Variants in ERBB4 observed in about 807,000 individuals in gnomAD.
ERBB4 encodes the protein receptor tyrosine-protein kinase erbB-4.
ERBB4 carries 42 observed loss-of-function variants against 158.0 expected under a neutral mutation model. The observed-to-expected ratio is 0.27, with a 90% CI of 0.21 to 0.34. The LOEUF (loss-of-function observed/expected upper bound fraction) is 0.34. Among genes scored for constraint, ERBB4 ranks in the 10% least tolerant of loss-of-function variants. ERBB4 has a pLI of 1.00. For synonymous variants in ERBB4, 583 were observed against 558.7 expected, an observed-to-expected ratio of 1.04 and a Z score of -0.61; for missense variants, 1,333 against 1,624.1, an observed-to-expected ratio of 0.82 and a Z score of 3.08.
intron 2 of ERBB4, among the ~76,000 whole-genome samples, chr2:212,105,963 T>C (rs1329992999): frequency 1.3e-5 from 2 of 152,224 alleles, no homozygotes; most frequent in Non-Finnish European, 2.9e-5. Flanking sequence ...TCCAACATGA[T>C]TGTAAAGCCT....
rs1049835711 is a variant in ERBB4 at position 211,750,720 on chromosome 2, A to C, written c.557-16T>G. The C allele has an allele frequency of 6.2e-7, 1 of 1,610,484 alleles. No individual in the cohort carries two copies. Among genetic ancestry groups the C allele is most frequent in the Non-Finnish European group, 8.5e-7 (1 of 1,176,910 alleles). ...CAACGTCCACCTGCAGAACACGAAA[A>C]GGGAAAAAGGACATGCACGTTATAA... On this transcript the variant is annotated splice_polypyrimidine_tract_variant and intron_variant, in intron 4 of 27. Coordinates refer to ENST00000342788, the MANE Select transcript of ERBB4 (RefSeq NM_005235.3).
At chr2:212,320,227 C>A (rs1007608544) in intron 1 of ERBB4, among the ~76,000 whole-genome samples, 2 of 124,002 alleles carry the variant, frequency 1.6e-5, no homozygotes, top group East Asian at 4.1e-4. Context: ...CGCAGTCATA[C>A]TTTTATTTTT....
At chr2:211,493,159 C>T (rs62178802) in intron 20 of ERBB4, among the ~76,000 whole-genome samples, 12,229 of 152,060 alleles carry the variant, frequency 0.08, 507 homozygotes, top group Middle Eastern at 0.15. Context: ...TTGCTTCGAA[C>T]CATTTTTTTC....
chr2:211,417,663 G>GA (rs2063424144), intron 25 of ERBB4, among the ~76,000 whole-genome samples: 1 of 152,012 alleles, frequency 6.6e-6, no homozygotes, highest in South Asian at 2.1e-4. Flanking sequence ...TTGTGGAATT[G>GA]AAAAAATCAA....
At chr2:212,396,379 T>C (rs1251152963) in intron 1 of ERBB4, among the ~76,000 whole-genome samples, 2 of 152,144 alleles carry the variant, frequency 1.3e-5, no homozygotes, top group East Asian at 1.9e-4. Context: ...TAATGCTAGA[T>C]TGTCTGAATT....
chr2:211,875,983 C>T (rs79153236), intron 3 of ERBB4, among the ~76,000 whole-genome samples: 3,933 of 152,148 alleles, frequency 0.026, 166 homozygotes, highest in African/African-American at 0.088. Context: ...ATGATGTTCA[C>T]AGGATAATGA....
At chr2:211,647,864 A>T (rs1486256202) in intron 16 of ERBB4, among the ~76,000 whole-genome samples, 2 of 151,708 alleles carry the variant, frequency 1.3e-5, no homozygotes, top group African/African-American at 4.8e-5. Flanking sequence ...CATTTTCTTT[A>T]CTTGGCGTCC....
rs564728842 is a variant in ERBB4 at position 211,992,968 on chromosome 2, C to A, written c.235-45352G>T. Among the ~76,000 whole-genome samples, 8 of 152,244 alleles carry A rather than the reference C, an allele frequency of 5.3e-5. No homozygotes were observed. The East Asian group carries it at 1.4e-3, about 26-fold the overall frequency. ...TTAAAAGGAAAAGAACAGTAATAAC[C>A]CAATCAACTACCTGTCCTCTGCTCA... On this transcript the variant is annotated intron_variant, in intron 2 of 27. Coordinates refer to ENST00000342788, the MANE Select transcript of ERBB4 (RefSeq NM_005235.3).
chr2:211,947,638 C>T (rs766440236), intron 2 of ERBB4, 22 bp from the exon 3 acceptor site: 10 of 1,607,694 alleles, frequency 6.2e-6, no homozygotes, highest in Non-Finnish European at 8.5e-6. Flanking sequence ...CAAACAGTTG[C>T]CTGTGTTATA....
intron 2 of ERBB4, among the ~76,000 whole-genome samples, chr2:212,031,066 T>C (rs1180657206): frequency 6.6e-6 from 1 of 152,146 alleles, no homozygotes; most frequent in Non-Finnish European, 1.5e-5. Context: ...AGATATTTTA[T>C]GATTCCTTGA....
intron 19 of ERBB4, among the ~76,000 whole-genome samples, chr2:211,610,499 C>T (rs939508086): frequency 6.6e-6 from 1 of 152,142 alleles, no homozygotes; most frequent in Non-Finnish European, 1.5e-5. Context: ...CAAAAGATTT[C>T]TACCTGCATT....
intron 1 of ERBB4, among the ~76,000 whole-genome samples, chr2:212,376,777 G>C (rs562032228): frequency 3.3e-5 from 5 of 152,100 alleles, no homozygotes; most frequent in East Asian, 1.9e-4. Context: ...ATTTACAAAA[G>C]TGTCTTGACC....
intron 25 of ERBB4, among the ~76,000 whole-genome samples, chr2:211,397,216 G>A (rs566354014): frequency 2.4e-4 from 37 of 152,078 alleles, no homozygotes; most frequent in African/African-American, 8.9e-4. Flanking sequence ...ATCTGATTTT[G>A]CTGCATATAA....
chr2:211,456,752 T>G (rs2125492144), intron 20 of ERBB4, among the ~76,000 whole-genome samples: 1 of 152,182 alleles, frequency 6.6e-6, no homozygotes, highest in African/African-American at 2.4e-5. Flanking sequence ...TATTAGATTC[T>G]CACAAGCAGT....
chr2:212,099,973 A>G (rs1377025172), intron 2 of ERBB4, among the ~76,000 whole-genome samples: 1 of 152,222 alleles, frequency 6.6e-6, no homozygotes, highest in Admixed American at 6.5e-5. Context: ...GCAGGTATGA[A>G]GACAAATGAT....
intron 2 of ERBB4, among the ~76,000 whole-genome samples, chr2:212,037,157 T>C (rs2077035596): frequency 6.6e-6 from 1 of 152,210 alleles, no homozygotes; most frequent in Non-Finnish European, 1.5e-5. Flanking sequence ...TTTGTTTTGT[T>C]TTTTTGTTTT....
chr2:211,863,040 A>T (rs2078105418), intron 3 of ERBB4, among the ~76,000 whole-genome samples: 1 of 151,880 alleles, frequency 6.6e-6, no homozygotes, highest in Non-Finnish European at 1.5e-5. Flanking sequence ...TTGTAAATGC[A>T]CCAATCATCA....
At chr2:211,814,045 A>G (rs2076822931) in intron 3 of ERBB4, among the ~76,000 whole-genome samples, 1 of 152,170 alleles carries the variant, frequency 6.6e-6, no homozygotes, top group Non-Finnish European at 1.5e-5. Flanking sequence ...CAGCCATTAT[A>G]AACATGTTAC....
At chr2:212,036,571 T>C (rs970697617) in intron 2 of ERBB4, among the ~76,000 whole-genome samples, 1 of 151,938 alleles carries the variant, frequency 6.6e-6, no homozygotes, top group East Asian at 1.9e-4. Context: ...TTCACGTTAT[T>C]CTCCTGCCTC....
Sources: gnomAD v4.1 joint callset for allele counts (sites outside exome capture counted in the v4.1 genomes callset) on GRCh38, gnomAD v4.1.1 for gene constraint, MANE v1.5 for transcripts, NCBI Gene and HGNC (gene_info 2026-07-23, HGNC 2026-07-21) for gene names.